Variants in RBFOX1 observed in about 807,000 individuals in gnomAD.
RBFOX1 encodes RNA binding fox-1 homolog 1, also known as RNA binding protein fox-1 homolog 1.
RBFOX1 carries 8 observed loss-of-function variants against 57.7 expected under a neutral mutation model. That is an observed-to-expected ratio of 0.14 (90% CI 0.08 to 0.25). The LOEUF (loss-of-function observed/expected upper bound fraction) is 0.25, where lower values mean the gene tolerates loss of function less well. RBFOX1 is among the 10% of genes least tolerant of loss of function. The pLI is 1.00. For synonymous variants in RBFOX1, 326 were observed against 222.4 expected, an observed-to-expected ratio of 1.47 and a Z score of -4.15; for missense variants, 611 against 548.5, an observed-to-expected ratio of 1.11 and a Z score of -1.14.
intron 3 of RBFOX1, among the ~76,000 whole-genome samples, chr16:5,828,566 G>A (rs866159848): frequency 2.0e-5 from 3 of 152,166 alleles, no homozygotes; most frequent in Non-Finnish European, 4.4e-5. Context: ...GGGCGTGGTG[G>A]TGCACGCCTG....
At chr16:5,944,698 T>C (rs975978592) in intron 4 of RBFOX1, among the ~76,000 whole-genome samples, 1 of 149,172 alleles carries the variant, frequency 6.7e-6, no homozygotes, top group Non-Finnish European at 1.5e-5. Context: ...CTCACGCCTG[T>C]AATCCCAGCA....
intron 4 of RBFOX1, among the ~76,000 whole-genome samples, chr16:7,505,479 C>G (rs1164568310): frequency 6.6e-6 from 1 of 152,198 alleles, no homozygotes; most frequent in African/African-American, 2.4e-5. Context: ...AAGGGCTAAG[C>G]ACATATTTCC....
chr16:7,229,834 G>A (rs868862572), intron 4 of RBFOX1, among the ~76,000 whole-genome samples: 126 of 9,962 alleles, frequency 0.013, no homozygotes, highest in African/African-American at 0.047. Context: ...GAGAGAGAGG[G>A]AGGAAGGGAG....
intron 4 of RBFOX1, among the ~76,000 whole-genome samples, chr16:7,241,167 G>A (rs2094036638): frequency 6.6e-6 from 1 of 152,178 alleles, no homozygotes; most frequent in African/African-American, 2.4e-5. Flanking sequence ...AAATCCACTG[G>A]AGGATTGATT....
At chr16:7,251,783 C>A (rs34659279) in intron 4 of RBFOX1, among the ~76,000 whole-genome samples, 7,424 of 152,202 alleles carry the variant, frequency 0.049, 203 homozygotes, top group African/African-American at 0.07. Flanking sequence ...GTGAATAATG[C>A]TGCAGTGAAC....
chr16:5,978,080 A>G (rs1429609596), intron 4 of RBFOX1, among the ~76,000 whole-genome samples: 1 of 129,182 alleles, frequency 7.7e-6, no homozygotes, highest in Admixed American at 9.5e-5. Flanking sequence ...CTTGCAGGGC[A>G]GGAGTTTAAG....
At chr16:6,823,006 T>G (rs2091564224) in intron 3 of RBFOX1, among the ~76,000 whole-genome samples, 1 of 152,084 alleles carries the variant, frequency 6.6e-6, no homozygotes, top group Non-Finnish European at 1.5e-5. Context: ...GATACTTTGC[T>G]TAGTACTGTA....
intron 4 of RBFOX1, among the ~76,000 whole-genome samples, chr16:5,956,655 TA>T (rs1432541891): frequency 4.0e-4 from 31 of 77,916 alleles, no homozygotes; most frequent in African/African-American, 1.3e-3. Flanking sequence ...TATATATATA[TA>T]TTTATATATA....
At chr16:6,334,953 A>G (rs945650982) in intron 2 of RBFOX1, among the ~76,000 whole-genome samples, 7 of 152,232 alleles carry the variant, frequency 4.6e-5, no homozygotes, top group Admixed American at 4.6e-4. Context: ...GTTTCATATT[A>G]CTGTCAAGCA....
At chr16:6,325,166 G>A (rs2082234911) in intron 2 of RBFOX1, among the ~76,000 whole-genome samples, 1 of 151,800 alleles carries the variant, frequency 6.6e-6, no homozygotes. Flanking sequence ...GACCAGCCTG[G>A]GCAACATAGT....
intron 4 of RBFOX1, among the ~76,000 whole-genome samples, chr16:5,941,118 G>C (rs1273828865): frequency 1.3e-5 from 2 of 152,128 alleles, no homozygotes; most frequent in African/African-American, 4.8e-5. Context: ...TAGTTTAATA[G>C]CTTAAATTAA....
chr16:6,460,169 G>T (rs960221545), intron 2 of RBFOX1, among the ~76,000 whole-genome samples: 1 of 152,104 alleles, frequency 6.6e-6, no homozygotes, highest in South Asian at 2.1e-4. Context: ...CTGGAGGCTG[G>T]ACATCCAAGA....
At chr16:5,974,273 A>G (rs1329729935) in intron 4 of RBFOX1, among the ~76,000 whole-genome samples, 4 of 152,228 alleles carry the variant, frequency 2.6e-5, no homozygotes, top group East Asian at 3.8e-4. Flanking sequence ...GAATAACTTG[A>G]TAAAGCCTTA....
At chr16:6,571,316 G>C (rs1402409388) in intron 2 of RBFOX1, among the ~76,000 whole-genome samples, 2 of 152,188 alleles carry the variant, frequency 1.3e-5, no homozygotes, top group South Asian at 4.2e-4. Flanking sequence ...GAGCAAGGAA[G>C]CTGCAGGGGG....
chr16:5,611,288 C>T (rs1303526393), intron 3 of RBFOX1: 2 of 152,214 alleles, frequency 1.3e-5, no homozygotes, highest in Non-Finnish European at 2.9e-5. Context: ...CCACTTACTT[C>T]CTTCATCAAA....
At chr16:5,465,831 C>A (rs1410492942) in intron 1 of RBFOX1, among the ~76,000 whole-genome samples, 1 of 152,196 alleles carries the variant, frequency 6.6e-6, no homozygotes, top group Non-Finnish European at 1.5e-5. Flanking sequence ...CCGTGGACTG[C>A]AAGGGTTGAA....
intron 14 of RBFOX1, among the ~76,000 whole-genome samples, chr16:7,677,741 T>A (rs906668341): frequency 6.6e-6 from 1 of 152,116 alleles, no homozygotes; most frequent in Admixed American, 6.6e-5. Context: ...TGGTAATGAG[T>A]CCTTTATTTT....
At chr16:5,521,097 A>T (rs574620637) in intron 2 of RBFOX1, among the ~76,000 whole-genome samples, 5 of 152,326 alleles carry the variant, frequency 3.3e-5, no homozygotes, top group African/African-American at 1.2e-4. Flanking sequence ...CTTTTATTTT[A>T]TGAGAAAAAT....
chr16:6,263,518 G>A lies in RBFOX1; in HGVS notation c.-126-53477G>A, dbSNP rs115785468. 1.7e-3 allele frequency among the ~76,000 whole-genome samples: 254 copies of A among 152,208 alleles called. 3 individuals are homozygous for A. The highest frequency in any genetic ancestry group is 5.5e-3 in the African/African-American group (227 of 41,532). ...CCTCCATTTATGAAACCATTTCTCTGAATGTTTCTTTTTTCCAATCTGTCT... is the reference window on the plus strand; with the variant it reads ...CCTCCATTTATGAAACCATTTCTCTAAATGTTTCTTTTTTCCAATCTGTCT... On this transcript the variant is annotated intron_variant, in intron 1 of 15. Transcript: ENST00000550418.
Sources: allele counts gnomAD v4.1 joint callset (sites outside exome capture counted in the v4.1 genomes callset), GRCh38; gene constraint gnomAD v4.1.1; transcripts MANE v1.5; gene names NCBI Gene and HGNC (gene_info 2026-07-23, HGNC 2026-07-21).